Variants in RGS12 observed in about 807,000 individuals in gnomAD.
The protein encoded by RGS12 is regulator of G-protein signaling 12.
In RGS12, 66 loss-of-function variants were observed where a neutral mutation model predicts 120.1. The observed-to-expected ratio is 0.55, with a 90% CI of 0.45 to 0.67. The LOEUF is 0.67. Ranked by LOEUF, RGS12 falls within the 30% of genes least tolerant of loss-of-function variation. RGS12 has a pLI of 0.00. For missense variants in RGS12, 1,859 were observed against 1,957.7 expected (o/e 0.95, Z 0.95); for synonymous variants, 827 against 804.7 (o/e 1.03, Z -0.47).
intron 1 of RGS12, among the ~76,000 whole-genome samples, chr4:3,315,190 C>A (rs1724658177): frequency 6.6e-6 from 1 of 152,198 alleles, no homozygotes; most frequent in Admixed American, 6.5e-5. Flanking sequence ...TGGGACATCG[C>A]CCCATGGACC....
chr4:3,314,618 A>G (rs1019100326), intron 1 of RGS12: 1 of 152,108 alleles, frequency 6.6e-6, no homozygotes, highest in Non-Finnish European at 1.5e-5. Context: ...GTTAGCCAGG[A>G]TGGTCTTGAT....
chr4:3,296,319 C>T (rs1723379077), intron 1 of RGS12, among the ~76,000 whole-genome samples: 1 of 151,944 alleles, frequency 6.6e-6, no homozygotes, highest in African/African-American at 2.4e-5. Context: ...GTAGCTGGGA[C>T]CCCAGGCATG....
chr4:3,318,388 A>T (rs1029644476), intron 2 of RGS12, among the ~76,000 whole-genome samples: 2 of 152,080 alleles, frequency 1.3e-5, no homozygotes, highest in African/African-American at 4.8e-5. Context: ...GCTCCTCCCT[A>T]GCTCTGTCCC....
intron 2 of RGS12, among the ~76,000 whole-genome samples, chr4:3,340,581 A>G (rs1022213236): frequency 6.6e-6 from 1 of 152,208 alleles, no homozygotes; most frequent in African/African-American, 2.4e-5. Context: ...ACCACAGAAG[A>G]GCACGCTGGC....
At chr4:3,421,171 C>T (rs1722983223) in intron 10 of RGS12, among the ~76,000 whole-genome samples, 2 of 152,202 alleles carry the variant, frequency 1.3e-5, no homozygotes, top group African/African-American at 4.8e-5. Flanking sequence ...CACACCCTCT[C>T]ACACCTGCTC....
At chr4:3,344,294 T>C (rs1713577823) in intron 3 of RGS12, among the ~76,000 whole-genome samples, 1 of 152,154 alleles carries the variant, frequency 6.6e-6, no homozygotes, top group Non-Finnish European at 1.5e-5. Flanking sequence ...TAGCGTGCTG[T>C]ATCTGGGCGG....
intron 3 of RGS12, among the ~76,000 whole-genome samples, chr4:3,362,616 AG>A (rs1284747977): frequency 1.0e-5 from 1 of 98,642 alleles, no homozygotes; most frequent in Non-Finnish European, 2.0e-5. Flanking sequence ...GGATGTCGTG[AG>A]GGGGTGTGTG....
chr4:3,423,510 A>G lies in RGS12; in HGVS notation c.3108-5A>G. 6.2e-7 allele frequency: 1 copy of G among 1,612,922 alleles called. No homozygotes were observed. Among genetic ancestry groups the G allele is most frequent in the South Asian group, 1.1e-5 (1 of 91,058 alleles). Reference sequence around the variant, plus strand: ...TTGGTAGTGAATTTTTTCATCCCCCACCAGGCTGGATCTTGTTCCGATTAA... The same window carrying G: ...TTGGTAGTGAATTTTTTCATCCCCCGCCAGGCTGGATCTTGTTCCGATTAA... On this transcript the variant is annotated splice_polypyrimidine_tract_variant and splice_region_variant and intron_variant, in intron 12 of 17. Coordinates refer to ENST00000336727, the MANE Select transcript of RGS12 (RefSeq NM_001394154.1).
rs137862792 is a variant in RGS12, at chr4:3,334,355, T to C, written c.1882-8582T>C. On this transcript the variant is annotated intron_variant, in intron 2 of 17. Transcript: ENST00000336727. ...ATTACAATGATTGATTTTCAAATAATAGACCATACTTGCATTCCTGAGATA... is the reference window on the plus strand; with the variant it reads ...ATTACAATGATTGATTTTCAAATAACAGACCATACTTGCATTCCTGAGATA... Among the ~76,000 whole-genome samples, 55 of 152,372 alleles carry C rather than the reference T, an allele frequency of 3.6e-4. 1 individual carries two copies. In the East Asian group the frequency reaches 9.6e-3, roughly 27 times the overall value.
chr4:3,417,156 T>C, intron 8 of RGS12, 64 bp downstream of exon 8: 1 of 1,477,430 alleles, frequency 6.8e-7, no homozygotes, highest in East Asian at 2.4e-5. Context: ...AGAGCTGTTC[T>C]GTGGGGAGTG....
At chr4:3,294,098 T>G (rs1036754466) in intron 1 of RGS12, among the ~76,000 whole-genome samples, 6 of 141,500 alleles carry the variant, frequency 4.2e-5, no homozygotes, top group South Asian at 2.3e-4. Flanking sequence ...CCACCTTCTC[T>G]GTGCCTGAGT....
At chr4:3,406,760 A>C (rs1207559981) in intron 4 of RGS12, among the ~76,000 whole-genome samples, 1 of 152,208 alleles carries the variant, frequency 6.6e-6, no homozygotes, top group East Asian at 1.9e-4. Context: ...GGCAGGAGCA[A>C]CAGAGGTGGG....
At chr4:3,413,756 C>T (rs973107149) in intron 4 of RGS12, 21 of 286,246 alleles carry the variant, frequency 7.3e-5, no homozygotes, top group African/African-American at 2.4e-4. Flanking sequence ...GTTGCTTGGG[C>T]GAGTGTGCAC....
intron 3 of RGS12, among the ~76,000 whole-genome samples, chr4:3,353,650 T>C (rs1030420020): frequency 1.3e-5 from 2 of 152,168 alleles, no homozygotes; most frequent in African/African-American, 2.4e-5. Flanking sequence ...TTTTCCAGCT[T>C]AGTAGCTCTT....
intron 3 of RGS12, among the ~76,000 whole-genome samples, chr4:3,363,380 T>G (rs1275623992): frequency 6.6e-6 from 1 of 152,136 alleles, no homozygotes; most frequent in South Asian, 2.1e-4. Flanking sequence ...AAATCCTGTT[T>G]CAGCTTGGCT....
chr4:3,348,691 C>G (rs1347709997), intron 3 of RGS12, among the ~76,000 whole-genome samples: 26 of 152,160 alleles, frequency 1.7e-4, no homozygotes. Flanking sequence ...AGGCGGAAAA[C>G]AGTGCATCAG....
At chr4:3,392,617 CTG>C (rs1719617791) in intron 4 of RGS12, among the ~76,000 whole-genome samples, 2 of 152,200 alleles carry the variant, frequency 1.3e-5, no homozygotes, top group South Asian at 2.1e-4. Flanking sequence ...ATCTCAGAGA[CTG>C]TGTTTTCATC....
intron 9 of RGS12, chr4:3,419,258 G>A (rs1007648936): frequency 1.3e-5 from 2 of 152,028 alleles, no homozygotes; most frequent in Admixed American, 1.3e-4. Context: ...TTGAACCCGG[G>A]AGGTGGAGGT....
At chr4:3,395,145 G>A (rs1300954034) in intron 4 of RGS12, among the ~76,000 whole-genome samples, 1 of 151,922 alleles carries the variant, frequency 6.6e-6, no homozygotes, top group African/African-American at 2.4e-5. Context: ...GTAGGCAGAG[G>A]TTGCAGTGAG....
Sources: allele counts gnomAD v4.1 joint callset (sites outside exome capture counted in the v4.1 genomes callset), GRCh38; gene constraint gnomAD v4.1.1; transcripts MANE v1.5; gene names NCBI Gene and HGNC (gene_info 2026-07-23, HGNC 2026-07-21).